The following UCHL3 variants were observed in gnomAD, a reference collection of about 807,000 sequenced individuals.
UCHL3 encodes ubiquitin C-terminal hydrolase L3, also known as ubiquitin carboxyl-terminal hydrolase isozyme L3.
Under a neutral mutation model 35.8 loss-of-function variants are expected in UCHL3, and 22 were observed. That is an observed-to-expected ratio of 0.61 (90% CI 0.44 to 0.88). The LOEUF (loss-of-function observed/expected upper bound fraction) is 0.88, where lower values mean the gene tolerates loss of function less well. UCHL3 is among the 40% of genes least tolerant of loss of function. The probability of loss-of-function intolerance (pLI) is 0.00; values close to 1 mark genes in which losing one functional copy is unlikely to be tolerated. For synonymous variants in UCHL3, 90 were observed against 92.8 expected (o/e 0.97, Z 0.17); for missense variants, 229 against 276.9 (o/e 0.83, Z 1.23).
chr13:75,553,690 T>C (rs1322509766), intron 2 of UCHL3, among the ~76,000 whole-genome samples: 1 of 152,226 alleles, frequency 6.6e-6, no homozygotes, highest in Non-Finnish European at 1.5e-5. Flanking sequence ...GATGACCCCA[T>C]GTTCCTTGAA....
chr13:75,561,696 A>C (rs2031500415), intron 3 of UCHL3, among the ~76,000 whole-genome samples: 1 of 151,888 alleles, frequency 6.6e-6, no homozygotes, highest in South Asian at 2.1e-4. Flanking sequence ...GGGGATTATA[A>C]ATAGCTGTTC....
At chr13:75,590,125 C>T (rs2032441452) in intron 6 of UCHL3, 1 of 1,303,346 alleles carries the variant, frequency 7.7e-7, no homozygotes, top group Non-Finnish European at 1.0e-6. Context: ...GGTCTCCATT[C>T]TGTTGTAAGT....
At chr13:75,590,073 C>T (rs763374002) in intron 6 of UCHL3, 23 of 1,304,336 alleles carry the variant, frequency 1.8e-5, no homozygotes, top group South Asian at 8.6e-5. Flanking sequence ...TCCATCTCTC[C>T]GTCTTCGTCG....
intron 2 of UCHL3, among the ~76,000 whole-genome samples, chr13:75,551,837 C>T (rs539859596): frequency 1.4e-4 from 21 of 152,232 alleles, no homozygotes; most frequent in African/African-American, 4.6e-4. Flanking sequence ...ATTTTAGGGG[C>T]ACCTTTTTTA....
intron 6 of UCHL3, among the ~76,000 whole-genome samples, chr13:75,570,932 T>A (rs1328623299): frequency 2.0e-5 from 3 of 151,956 alleles, no homozygotes; most frequent in African/African-American, 7.3e-5. Flanking sequence ...ATATATATAT[T>A]GGTTGCTCTA....
At chr13:75,581,645 A>T (rs1212451677) in intron 6 of UCHL3, among the ~76,000 whole-genome samples, 1 of 150,568 alleles carries the variant, frequency 6.6e-6, no homozygotes, top group South Asian at 2.1e-4. Context: ...GGTGTGAGCC[A>T]CTAACAAAAC....
At chr13:75,605,592 G>A in intron 8 of UCHL3, 137 bp from the exon 9 acceptor site, 2 of 793,280 alleles carry the variant, frequency 2.5e-6, no homozygotes, top group Non-Finnish European at 3.9e-6. Flanking sequence ...TCACTTTTCT[G>A]GTGTTCTTTA....
intron 6 of UCHL3, among the ~76,000 whole-genome samples, chr13:75,592,692 G>A (rs1258167850): frequency 6.6e-6 from 1 of 151,436 alleles, no homozygotes; most frequent in Admixed American, 6.6e-5. Flanking sequence ...CTGAGGTTTT[G>A]TGGAAGGCTT....
intron 7 of UCHL3, among the ~76,000 whole-genome samples, chr13:75,600,774 T>C (rs1445430167): frequency 1.3e-5 from 2 of 152,256 alleles, no homozygotes; most frequent in Non-Finnish European, 2.9e-5. Context: ...AGGAATCATT[T>C]AGACTTTCAT....
chr13:75,583,994 T>TA (rs2032255931), intron 6 of UCHL3, among the ~76,000 whole-genome samples: 1 of 152,120 alleles, frequency 6.6e-6, no homozygotes, highest in Non-Finnish European at 1.5e-5. Context: ...AGTGCAGGCC[T>TA]AGGGGAGGAG....
chr13:75,564,079 A>G (rs906317908), intron 3 of UCHL3, among the ~76,000 whole-genome samples: 1 of 152,162 alleles, frequency 6.6e-6, no homozygotes, highest in Non-Finnish European at 1.5e-5. Context: ...CCATTTAGCC[A>G]TCTATGGACA....
intron 6 of UCHL3, among the ~76,000 whole-genome samples, chr13:75,594,613 T>A (rs563615760): frequency 2.5e-4 from 38 of 152,346 alleles, no homozygotes; most frequent in African/African-American, 9.1e-4. Context: ...GTGCATATAC[T>A]GTATACCAGG....
At chr13:75,592,446 A>ATATATATATATATATATATATG (rs2032524227) in intron 6 of UCHL3, among the ~76,000 whole-genome samples, 1 of 71,072 alleles carries the variant, frequency 1.4e-5, no homozygotes, top group African/African-American at 4.1e-5. Flanking sequence ...ATATATATAT[A>ATATATATATATATATATATATG]TATATATATA....
intron 7 of UCHL3, 81 bp from the exon 8 acceptor site, chr13:75,604,688 G>A: frequency 1.7e-6 from 2 of 1,183,178 alleles, no homozygotes; most frequent in Non-Finnish European, 2.3e-6. Flanking sequence ...TGCCTCACTG[G>A]GGGAAGAGGA....
intron 4 of UCHL3, 103 bp downstream of exon 4, chr13:75,566,954 A>G (rs2031703830): frequency 3.9e-6 from 5 of 1,287,724 alleles, no homozygotes; most frequent in Non-Finnish European, 5.3e-6. Context: ...TATAAAATAA[A>G]GCATTCCCTG....
At chr13:75,562,761 T>C (rs1566212124) in intron 3 of UCHL3, among the ~76,000 whole-genome samples, 1 of 152,212 alleles carries the variant, frequency 6.6e-6, no homozygotes. Flanking sequence ...GCTAAAAACT[T>C]GTCCCTGTTG....
chr13:75,549,509 A>G (rs2030991875), upstream of UCHL3: 1 of 364,884 alleles, frequency 2.7e-6, no homozygotes, highest in Non-Finnish European at 4.9e-6. Context: ...AGCGCTCGGC[A>G]AGGCTCGGCT....
intron 2 of UCHL3, among the ~76,000 whole-genome samples, chr13:75,556,822 A>G (rs2031307113): frequency 6.6e-6 from 1 of 152,208 alleles, no homozygotes; most frequent in Non-Finnish European, 1.5e-5. Context: ...GAAGCTGGAA[A>G]AGTAAATAGG....
At chr13:75,590,177 C>CTTTT in intron 6 of UCHL3, 26 of 1,131,922 alleles carry the variant, frequency 2.3e-5, no homozygotes, top group Admixed American at 7.8e-5. Context: ...CAAGGGCTGT[C>CTTTT]TTTTTTTTTT....
Sources: allele counts gnomAD v4.1 joint callset (sites outside exome capture counted in the v4.1 genomes callset), GRCh38; gene constraint gnomAD v4.1.1; transcripts MANE v1.5; gene names NCBI Gene and HGNC (gene_info 2026-07-23, HGNC 2026-07-21).